The following PDGFRL variants were observed in gnomAD, a reference collection of about 807,000 sequenced individuals.
The protein encoded by PDGFRL is platelet-derived growth factor receptor-like protein.
PDGFRL carries 46 observed loss-of-function variants against 37.2 expected under a neutral mutation model. The ratio of observed to expected loss-of-function variants is 1.24; its 90% CI spans 0.98 to 1.58. The LOEUF is 1.58. Ranked by LOEUF, PDGFRL falls within the 40% of genes most tolerant of loss-of-function variation. The pLI is 0.00. For missense variants in PDGFRL, 692 were observed against 467.6 expected, an observed-to-expected ratio of 1.48 and a Z score of -4.43; for synonymous variants, 251 against 184.3, an observed-to-expected ratio of 1.36 and a Z score of -2.93.
At chr8:17,621,654 T>G (rs1804636898) in intron 3 of PDGFRL, among the ~76,000 whole-genome samples, 1 of 152,194 alleles carries the variant, frequency 6.6e-6, no homozygotes, top group Non-Finnish European at 1.5e-5. Flanking sequence ...CTGTAGCATG[T>G]GGCTAATGGC....
At chr8:17,619,593 T>C (rs1296476127) in intron 2 of PDGFRL, among the ~76,000 whole-genome samples, 1 of 152,246 alleles carries the variant, frequency 6.6e-6, no homozygotes, top group African/African-American at 2.4e-5. Context: ...CCAATGCGTT[T>C]TCTTCCTAAA....
intron 3 of PDGFRL, among the ~76,000 whole-genome samples, chr8:17,622,932 G>A (rs1465019880): frequency 1.3e-5 from 2 of 152,080 alleles, no homozygotes; most frequent in East Asian, 3.9e-4. Flanking sequence ...TTAAGGGATG[G>A]AATTTTTCAC....
chr8:17,598,254 C>A (rs527320645), intron 2 of PDGFRL, among the ~76,000 whole-genome samples: 1 of 152,326 alleles, frequency 6.6e-6, no homozygotes, highest in East Asian at 1.9e-4. Flanking sequence ...GGTGTGTGAT[C>A]AGTAGTTTCC....
At chr8:17,578,119 TTGCTC>T (rs1476674075) in intron 1 of PDGFRL, among the ~76,000 whole-genome samples, 1 of 152,084 alleles carries the variant, frequency 6.6e-6, no homozygotes, top group African/African-American at 2.4e-5. Context: ...AATGTTTTGT[TTGCTC>T]TATTCACTCC....
intron 1 of PDGFRL, among the ~76,000 whole-genome samples, chr8:17,577,579 C>T (rs1265152446): frequency 1.3e-5 from 2 of 151,794 alleles, no homozygotes; most frequent in African/African-American, 2.4e-5. Context: ...CATCTCCGGG[C>T]GAACCAAGCA....
At chr8:17,620,740 T>C (rs1804613037) in intron 2 of PDGFRL, among the ~76,000 whole-genome samples, 1 of 152,228 alleles carries the variant, frequency 6.6e-6, no homozygotes, top group Non-Finnish European at 1.5e-5. Context: ...AAAAAATATT[T>C]ACCTCATTGT....
intron 1 of PDGFRL, among the ~76,000 whole-genome samples, chr8:17,581,387 G>T (rs2517271): frequency 0.63 from 95,842 of 151,374 alleles, 30,736 homozygotes; most frequent in Middle Eastern, 0.77. Flanking sequence ...ATTTAGGGCT[G>T]GCTTCTAGAT....
intron 5 of PDGFRL, among the ~76,000 whole-genome samples, chr8:17,637,522 A>G (rs1402979558): frequency 6.6e-6 from 1 of 152,062 alleles, no homozygotes; most frequent in Non-Finnish European, 1.5e-5. Flanking sequence ...ATGTTGGTCT[A>G]TAGTTTTCTC....
intron 5 of PDGFRL, among the ~76,000 whole-genome samples, chr8:17,640,023 T>C (rs1162677684): frequency 6.6e-6 from 1 of 152,216 alleles, no homozygotes; most frequent in Non-Finnish European, 1.5e-5. Flanking sequence ...TCCAAAAATC[T>C]GATGTTCGAG....
intron 1 of PDGFRL, among the ~76,000 whole-genome samples, chr8:17,578,095 A>G (rs148505004): frequency 2.6e-3 from 401 of 151,754 alleles, no homozygotes; most frequent in African/African-American, 9.4e-3. Context: ...ATTATATATT[A>G]TTGTTAGCAT....
At chr8:17,614,895 C>T (rs1563520385) in intron 2 of PDGFRL, among the ~76,000 whole-genome samples, 1 of 152,208 alleles carries the variant, frequency 6.6e-6, no homozygotes, top group Non-Finnish European at 1.5e-5. Flanking sequence ...GCAGCTCCAA[C>T]ACTTCCTGTG....
At chr8:17,635,336 T>A (rs7015914) in intron 5 of PDGFRL, among the ~76,000 whole-genome samples, 124,940 of 151,482 alleles carry the variant, frequency 0.82, 52,645 homozygotes, top group Non-Finnish European at 0.92. Flanking sequence ...GTCATTCTTA[T>A]GTCTGCATCC....
intron 2 of PDGFRL, among the ~76,000 whole-genome samples, chr8:17,613,051 G>A (rs1275477519): frequency 6.6e-6 from 1 of 152,292 alleles, no homozygotes. Flanking sequence ...AGTTATGGCT[G>A]TAATACTGTA....
chr8:17,627,206 C>G (rs1259935806), intron 3 of PDGFRL, among the ~76,000 whole-genome samples: 1 of 152,162 alleles, frequency 6.6e-6, no homozygotes, highest in Non-Finnish European at 1.5e-5. Flanking sequence ...TTTACAACTG[C>G]TAAGGGTTTA....
chr8:17,594,336 G>A (rs1804006470), intron 2 of PDGFRL, among the ~76,000 whole-genome samples: 2 of 151,562 alleles, frequency 1.3e-5, no homozygotes, highest in Admixed American at 1.3e-4. Flanking sequence ...CGCCTCCCAG[G>A]TTCAAGCGAT....
chr8:17,614,157 TGATA>T (rs1804477647), intron 2 of PDGFRL, among the ~76,000 whole-genome samples: 1 of 151,976 alleles, frequency 6.6e-6, no homozygotes, highest in African/African-American at 2.4e-5. Flanking sequence ...ATAGATAGAT[TGATA>T]GATGATAGAG....
chr8:17,594,132 G>A (rs1332786340), intron 2 of PDGFRL, among the ~76,000 whole-genome samples: 1 of 143,934 alleles, frequency 6.9e-6, no homozygotes, highest in Admixed American at 7.0e-5. Flanking sequence ...TGTTTTTTTT[G>A]TTACTGACGT....
intron 2 of PDGFRL, among the ~76,000 whole-genome samples, chr8:17,614,113 G>C (rs537527028): frequency 7.9e-5 from 12 of 152,322 alleles, no homozygotes; most frequent in African/African-American, 2.2e-4. Flanking sequence ...TAGATCAGTA[G>C]ATGATAGGCT....
intron 4 of PDGFRL, among the ~76,000 whole-genome samples, chr8:17,629,079 T>G (rs1249261110): frequency 7.0e-6 from 1 of 141,972 alleles, no homozygotes; most frequent in African/African-American, 2.6e-5. Flanking sequence ...CACCATGCCC[T>G]GCTAACTTTT....
Sources: allele counts gnomAD v4.1 joint callset (sites outside exome capture counted in the v4.1 genomes callset), GRCh38; gene constraint gnomAD v4.1.1; transcripts MANE v1.5; gene names NCBI Gene and HGNC (gene_info 2026-07-23, HGNC 2026-07-21).